GADL1: variants seen among roughly 807,000 people sequenced by gnomAD.
The protein encoded by GADL1 is GAD like acidic amino acid decarboxylase 1.
In GADL1, 71 loss-of-function variants were observed where a neutral mutation model predicts 69.5. The ratio of observed to expected loss-of-function variants is 1.02; its 90% CI spans 0.84 to 1.25. GADL1 has a LOEUF of 1.25. Among genes scored for constraint, GADL1 ranks in the 50% most tolerant of loss-of-function variants. GADL1 has a pLI of 0.00. For synonymous variants in GADL1, 254 were observed against 214.4 expected (o/e 1.18, Z -1.62); for missense variants, 737 against 631.8 (o/e 1.17, Z -1.79).
chr3:30,832,753 A>G (rs1201991236), intron 11 of GADL1, among the ~76,000 whole-genome samples: 1 of 152,070 alleles, frequency 6.6e-6, no homozygotes, highest in Non-Finnish European at 1.5e-5. Context: ...ACTACCTTTT[A>G]GTTACAAATA....
intron 14 of GADL1, among the ~76,000 whole-genome samples, chr3:30,732,907 A>C (rs1485526848): frequency 6.6e-6 from 1 of 152,130 alleles, no homozygotes; most frequent in African/African-American, 2.4e-5. Flanking sequence ...AAATACAAAA[A>C]TTAGCTGGGT....
intron 12 of GADL1, among the ~76,000 whole-genome samples, chr3:30,794,608 T>C (rs1696990860): frequency 6.6e-6 from 1 of 152,144 alleles, no homozygotes; most frequent in South Asian, 2.1e-4. Flanking sequence ...ATTTTAGTAA[T>C]TAATATTTTC....
intron 10 of GADL1, 74 bp from the exon 11 acceptor site, chr3:30,834,008 A>G: frequency 9.6e-7 from 1 of 1,044,706 alleles, no homozygotes; most frequent in Non-Finnish European, 1.5e-6. Context: ...TACTATCATT[A>G]TCAATATCTG....
At chr3:30,869,484 G>T (rs1007902722) in intron 1 of GADL1, among the ~76,000 whole-genome samples, 1 of 151,810 alleles carries the variant, frequency 6.6e-6, no homozygotes, top group African/African-American at 2.4e-5. Context: ...TTAGTCCCTG[G>T]ATCTAGCCCT....
chr3:30,753,372 A>G (rs778022934), intron 14 of GADL1, among the ~76,000 whole-genome samples: 1 of 152,206 alleles, frequency 6.6e-6, no homozygotes, highest in Non-Finnish European at 1.5e-5. Context: ...GAAAATATCC[A>G]TGGCAGGTTT....
chr3:30,750,418 G>T (rs1392483613), intron 14 of GADL1, among the ~76,000 whole-genome samples: 1 of 152,146 alleles, frequency 6.6e-6, no homozygotes, highest in African/African-American at 2.4e-5. Context: ...TGGGTATGAT[G>T]CATCGTCCAC....
At chr3:30,768,927 C>G (rs1696351370) in intron 14 of GADL1, among the ~76,000 whole-genome samples, 1 of 152,102 alleles carries the variant, frequency 6.6e-6, no homozygotes. Flanking sequence ...AGGCTGGGCA[C>G]TGGCAAAAGC....
chr3:30,884,836 C>T (rs1698683093), intron 1 of GADL1, among the ~76,000 whole-genome samples: 1 of 149,998 alleles, frequency 6.7e-6, no homozygotes, highest in African/African-American at 2.4e-5. Context: ...ACTTATTATG[C>T]CAGGTACTTA....
intron 13 of GADL1, among the ~76,000 whole-genome samples, chr3:30,783,182 A>T (rs2125498281): frequency 6.6e-6 from 1 of 152,330 alleles, no homozygotes; most frequent in Admixed American, 6.5e-5. Flanking sequence ...TTGATGAAAC[A>T]TTAATAACTC....
intron 1 of GADL1, among the ~76,000 whole-genome samples, chr3:30,879,316 A>C (rs577339849): frequency 6.6e-6 from 1 of 151,888 alleles, no homozygotes; most frequent in Non-Finnish European, 1.5e-5. Context: ...AATGCATCCC[A>C]TAGCTTTTGC....
rs750248615 is a variant in GADL1 at position 30,833,864 on chromosome 3, T to C, written c.1039A>G (p.Lys347Glu). The C allele has an allele frequency of 6.2e-7, 1 of 1,612,020 alleles. No individual in the cohort carries two copies. Among genetic ancestry groups the C allele is most frequent in the Non-Finnish European group, 8.5e-7 (1 of 1,178,572 alleles). ...AGAGGAAAACTTACAGATTTGTCTTTCACAAGGAGAGCACAGCACTGGATC... is the reference window on the plus strand; with the variant it reads ...AGAGGAAAACTTACAGATTTGTCTTCCACAAGGAGAGCACAGCACTGGATC... ...AGIQCCALLV[K>E]DKSDLLKKCY... is the part of the protein sequence containing the mutation. Residue 347 changes from lysine to glutamate, a missense_variant, in exon 11 of 15, where the codon AAA becomes GAA. Transcript: ENST00000282538.
At position 30,890,207 on chromosome 3, in the gene GADL1, A is replaced by G. The variant is rs576857449; in HGVS notation, c.37+4371T>C. 2.6e-5 allele frequency among the ~76,000 whole-genome samples: 4 copies of G among 152,322 alleles called. No homozygotes were observed. The East Asian group carries it at 7.7e-4, about 29-fold the overall frequency. ...TAAATGCAAAAATGAAAAGAACTTA[A>G]GATTTCGGGAATCATGCATTGTCAT... On this transcript the variant is annotated intron_variant, in intron 1 of 14. Transcript: ENST00000282538.
rs1336239689 is a variant in GADL1, at chr3:30,861,607, C to T, written c.196G>A (p.Asp66Asn). The change falls in exon 2 of 15, where the codon GAT becomes AAT. Residue 66 changes from aspartate (D) to asparagine (N), a missense_variant. Asp to Asn is a conservative substitution (Grantham distance 23). Transcript: ENST00000282538. Reference sequence around the variant, plus strand: ...TTAATTTTTACCTTCTCATTGACATCTGTAGCTTTCAAAACCACCTCTTCC... The same window carrying T: ...TTAATTTTTACCTTCTCATTGACATTTGTAGCTTTCAAAACCACCTCTTCC... ...IMEEVVLKAT[D>N]VNEKVCEWRP... 1.9e-6 allele frequency: 3 copies of T among 1,547,602 alleles called. No individual in the cohort carries two copies. The East Asian group carries it at 7.3e-5, about 38-fold the overall frequency.
chr3:30,755,873 C>G (rs1695957841), intron 14 of GADL1, among the ~76,000 whole-genome samples: 1 of 152,008 alleles, frequency 6.6e-6, no homozygotes, highest in Admixed American at 6.5e-5. Flanking sequence ...CATTCATACA[C>G]AGTTCCAAGT....
intron 11 of GADL1, among the ~76,000 whole-genome samples, chr3:30,801,489 A>T (rs1351580070): frequency 6.6e-6 from 1 of 152,146 alleles, no homozygotes; most frequent in African/African-American, 2.4e-5. Context: ...TAAGCAAAAA[A>T]ACTAGGTTTT....
chr3:30,786,522 AG>A, intron 12 of GADL1, 116 bp from the exon 13 acceptor site: 1 of 665,500 alleles, frequency 1.5e-6, no homozygotes, highest in Non-Finnish European at 2.7e-6. Context: ...ATACAGATAA[AG>A]GTCAAGGAAC....
chr3:30,770,276 A>G (rs937084987), intron 14 of GADL1, among the ~76,000 whole-genome samples: 1 of 152,234 alleles, frequency 6.6e-6, no homozygotes, highest in Non-Finnish European at 1.5e-5. Flanking sequence ...TAAGTGGCCT[A>G]TAAGCATTAA....
intron 14 of GADL1, among the ~76,000 whole-genome samples, chr3:30,766,592 G>A (rs1696287624): frequency 6.6e-6 from 1 of 152,040 alleles, no homozygotes; most frequent in African/African-American, 2.4e-5. Context: ...GGTATGGAGT[G>A]GTAATGTACT....
chr3:30,834,049 T>C (rs2125523752), intron 10 of GADL1, 115 bp from the exon 11 acceptor site: 1 of 914,124 alleles, frequency 1.1e-6, no homozygotes, highest in South Asian at 1.4e-5. Context: ...TTTACTGTTC[T>C]ATAGAACTCC....
Sources: allele counts gnomAD v4.1 joint callset (sites outside exome capture counted in the v4.1 genomes callset), GRCh38; gene constraint gnomAD v4.1.1; transcripts MANE v1.5; gene names NCBI Gene and HGNC (gene_info 2026-07-23, HGNC 2026-07-21).